The following SYK variants were observed in gnomAD, a reference collection of about 807,000 sequenced individuals.
SYK encodes the protein spleen associated tyrosine kinase.
A neutral mutation model predicts 77.8 loss-of-function variants in SYK; 16 were observed. The ratio of observed to expected loss-of-function variants is 0.21; its 90% CI spans 0.14 to 0.31. The LOEUF (loss-of-function observed/expected upper bound fraction) is 0.31, where lower values mean the gene tolerates loss of function less well. Ranked by LOEUF, SYK falls within the 10% of genes least tolerant of loss-of-function variation. SYK has a pLI of 1.00. For missense variants in SYK, 529 were observed against 814.4 expected, an observed-to-expected ratio of 0.65 and a Z score of 4.26; for synonymous variants, 312 against 308.7, an observed-to-expected ratio of 1.01 and a Z score of -0.11.
chr9:90,874,443 C>G lies in SYK; in HGVS notation c.1003+152C>G. 3 of 907,732 alleles carry G rather than the reference C, an allele frequency of 3.3e-6. No homozygotes were observed. In the South Asian group the frequency reaches 4.5e-5, roughly 14 times the overall value. The allele number at this position is 907,732 out of a possible 1,614,324, so 56.2% of individuals were successfully genotyped here. A position where few individuals can be genotyped will look rare whatever the true frequency, so the allele number is the denominator to read the frequency against. On this transcript the variant is annotated intron_variant, in intron 8 of 13. Coordinates refer to ENST00000375754, the MANE Select transcript of SYK (RefSeq NM_003177.7). ...AACACTCACATCTAGTGGCAGGCAG[C>G]AGGCACCACATGCCCATGAGCAGTG...
intron 3 of SYK, among the ~76,000 whole-genome samples, chr9:90,859,557 G>T (rs1018453230): frequency 2.0e-5 from 3 of 152,212 alleles, no homozygotes; most frequent in Non-Finnish European, 4.4e-5. Flanking sequence ...AGATGAAGCT[G>T]CTATAAGTAG....
intron 1 of SYK, among the ~76,000 whole-genome samples, chr9:90,809,540 T>A (rs1401625020): frequency 9.2e-5 from 14 of 152,228 alleles, no homozygotes; most frequent in Admixed American, 7.8e-4. Flanking sequence ...ATGCCAATTT[T>A]ACTCATCACC....
At chr9:90,884,512 CAT>C (rs146026531) in intron 11 of SYK, among the ~76,000 whole-genome samples, 345 of 9,276 alleles carry the variant, frequency 0.037, 162 homozygotes, top group African/African-American at 0.33. Flanking sequence ...CATGTACATA[CAT>C]ACACATACAC....
intron 1 of SYK, among the ~76,000 whole-genome samples, chr9:90,834,009 A>C (rs1021652550): frequency 1.3e-5 from 2 of 152,182 alleles, no homozygotes; most frequent in African/African-American, 4.8e-5. Flanking sequence ...CTGTAGAATA[A>C]ATCTGACTCC....
At position 90,884,495 on chromosome 9, in the gene SYK, A is replaced by ATG. The variant is rs1341305462; in HGVS notation, c.1582-3250_1582-3249dup. On this transcript the variant is annotated intron_variant, in intron 11 of 13. Coordinates refer to ENST00000375754, the MANE Select transcript of SYK (RefSeq NM_003177.7). ...CATATACATACACACACATACACAT[A>ATG]TGTGTACATGTACATACATACACAT... is the stretch of plus-strand genomic sequence containing the variant. Among the ~76,000 whole-genome samples the ATG allele has an allele frequency of 3.4e-5, 4 of 117,486 alleles. 1 individual carries two copies. The highest frequency in any genetic ancestry group is 5.5e-5 in the Non-Finnish European group (3 of 54,100). 77.1% of individuals were successfully genotyped at this position (117,486 alleles called of 152,430 possible).
At chr9:90,811,976 A>G (rs1026092205) in intron 1 of SYK, among the ~76,000 whole-genome samples, 2 of 151,670 alleles carry the variant, frequency 1.3e-5, no homozygotes, top group African/African-American at 4.8e-5. Context: ...TCCCACATGC[A>G]CATAATAATT....
At position 90,864,685 on chromosome 9, in the gene SYK, T is replaced by C; in HGVS notation, c.796+18T>C. 6.2e-7 allele frequency: 1 copy of C among 1,607,566 alleles called. No homozygotes were observed. Among genetic ancestry groups the C allele is most frequent in the Non-Finnish European group, 8.5e-7 (1 of 1,174,032 alleles). On this transcript the variant is annotated intron_variant, in intron 5 of 13. Transcript: ENST00000375754. ...CACACAGGGTGAGTTCCCAAGACACTGGAGTCTCAGTGTTTGAGGTATCAG... is the reference window on the plus strand; with the variant it reads ...CACACAGGGTGAGTTCCCAAGACACCGGAGTCTCAGTGTTTGAGGTATCAG...
chr9:90,893,840 C>T (rs1003602820), intron 13 of SYK, among the ~76,000 whole-genome samples: 2 of 152,148 alleles, frequency 1.3e-5, no homozygotes, highest in East Asian at 3.9e-4. Context: ...AGGAGGGTCA[C>T]TGGGTACAAG....
rs1257256089 is a variant in SYK at position 90,879,594 on chromosome 9, A to G, written c.1581+641A>G. Among the ~76,000 whole-genome samples the G allele has an allele frequency of 1.3e-5, 2 of 152,270 alleles. 1 individual carries two copies. The highest frequency in any genetic ancestry group is 4.1e-4 in the South Asian group (2 of 4,836). ...TACCAAATAAACTCGTCATCTGTGT[A>G]TGTCCACTACATATGTAGAAATTGT... On this transcript the variant is annotated intron_variant, in intron 11 of 13. Transcript: ENST00000375754.
intron 9 of SYK, among the ~76,000 whole-genome samples, chr9:90,875,926 A>G (rs2118876950): frequency 6.6e-6 from 1 of 152,264 alleles, no homozygotes; most frequent in South Asian, 2.1e-4. Context: ...TGTAAAAAAA[A>G]AATTCGTGAG....
Position 90,898,277 on chromosome 9 carries a change from A to G in SYK, c.*2677A>G, listed in dbSNP as rs199792221. 7 of 230,266 alleles carry G rather than the reference A, an allele frequency of 3.0e-5. No homozygotes were observed. The highest frequency in any genetic ancestry group is 5.7e-5 in the Admixed American group (1 of 17,688). 14.3% of individuals were successfully genotyped at this position (230,266 alleles called of 1,614,324 possible). A position where few individuals can be genotyped will look rare whatever the true frequency, so the allele number is the denominator to read the frequency against. ...TGAAAATCGTTGCATGCATGTTTTC[A>G]TCTGAGCGTGTCCTTCTCCCATACT... On this transcript the variant is annotated 3_prime_UTR_variant, in exon 14 of 14. Transcript: ENST00000375754.
chr9:90,896,656 A>G lies in SYK; in HGVS notation c.*1056A>G, dbSNP rs1336413674. ...TGGAGTGTGAATTTGAGTTGAAGAT[A>G]CAAGATCGGAGAATGATTTTCTGGT... On this transcript the variant is annotated 3_prime_UTR_variant, in exon 14 of 14. Transcript: ENST00000375754. 1.3e-5 allele frequency: 3 copies of G among 232,642 alleles called. No individual in the cohort carries two copies. The highest frequency in any genetic ancestry group is 6.1e-5 in the East Asian group (1 of 16,520). The allele number at this position is 232,642 out of a possible 1,614,324, so 14.4% of individuals were successfully genotyped here. A position where few individuals can be genotyped will look rare whatever the true frequency, so the allele number is the denominator to read the frequency against.
chr9:90,863,700 G>A (rs1827361399), intron 4 of SYK, among the ~76,000 whole-genome samples: 2 of 152,242 alleles, frequency 1.3e-5, no homozygotes, highest in South Asian at 2.1e-4. Context: ...AGCACATCAG[G>A]GAGGTGAGTA....
intron 11 of SYK, among the ~76,000 whole-genome samples, chr9:90,883,100 C>G (rs940764658): frequency 1.8e-4 from 28 of 152,272 alleles, no homozygotes; most frequent in African/African-American, 6.7e-4. Context: ...CCCCAAAGGA[C>G]TGCATCTTGC....
At chr9:90,803,764 G>C (rs1564062794) in intron 1 of SYK, among the ~76,000 whole-genome samples, 1 of 152,096 alleles carries the variant, frequency 6.6e-6, no homozygotes, top group Non-Finnish European at 1.5e-5. Context: ...TTAAAATTTA[G>C]AATCTAAATT....
intron 1 of SYK, among the ~76,000 whole-genome samples, chr9:90,833,813 A>G (rs546722141): frequency 2.0e-4 from 31 of 152,356 alleles, no homozygotes; most frequent in African/African-American, 7.0e-4. Context: ...GAAATGGACT[A>G]TGGAAGTCTA....
At chr9:90,841,277 CTG>C (rs201059161) in intron 1 of SYK, among the ~76,000 whole-genome samples, 4,584 of 143,262 alleles carry the variant, frequency 0.032, 215 homozygotes, top group African/African-American at 0.11. Flanking sequence ...TGGGTGTGTA[CTG>C]TGTTATGTGT....
At chr9:90,802,603 T>G (rs1826771855) in intron 1 of SYK, among the ~76,000 whole-genome samples, 1 of 152,148 alleles carries the variant, frequency 6.6e-6, no homozygotes, top group Admixed American at 6.5e-5. Flanking sequence ...TTTGGCAATG[T>G]GGCTCCAAAA....
At chr9:90,853,892 T>G (rs145604969) in intron 3 of SYK, among the ~76,000 whole-genome samples, 4,127 of 150,502 alleles carry the variant, frequency 0.027, 173 homozygotes, top group East Asian at 0.23. Flanking sequence ...TAAAATAAAA[T>G]AAAAAAGAAA....
Sources: allele counts gnomAD v4.1 joint callset (sites outside exome capture counted in the v4.1 genomes callset), GRCh38; gene constraint gnomAD v4.1.1; transcripts MANE v1.5; gene names NCBI Gene and HGNC (gene_info 2026-07-23, HGNC 2026-07-21).